Variants in MORC1 observed in about 807,000 individuals in gnomAD.
MORC1 encodes MORC family CW-type zinc finger 1, also known as MORC family CW-type zinc finger protein 1.
Under a neutral mutation model 134.9 loss-of-function variants are expected in MORC1, and 59 were observed. The observed-to-expected ratio is 0.44, with a 90% confidence interval of 0.35 to 0.54. The LOEUF (loss-of-function observed/expected upper bound fraction) is 0.54, where lower values mean the gene tolerates loss of function less well. Among genes scored for constraint, MORC1 ranks in the 20% least tolerant of loss-of-function variants. The pLI is 0.00. For synonymous variants in MORC1, 395 were observed against 391.7 expected (o/e 1.01, Z -0.10); for missense variants, 947 against 1,134.5 (o/e 0.83, Z 2.37).
chr3:109,067,144 C>T (rs1224474536), intron 9 of MORC1, among the ~76,000 whole-genome samples: 1 of 152,142 alleles, frequency 6.6e-6, no homozygotes, highest in Non-Finnish European at 1.5e-5. Flanking sequence ...AAGGACCATG[C>T]GGTTCCTATG....
At chr3:109,062,339 T>G (rs1486043516) in intron 10 of MORC1, among the ~76,000 whole-genome samples, 1 of 152,104 alleles carries the variant, frequency 6.6e-6, no homozygotes, top group Non-Finnish European at 1.5e-5. Flanking sequence ...AAAATATGGA[T>G]ATAGAGCTAC....
intron 21 of MORC1, among the ~76,000 whole-genome samples, chr3:108,996,193 C>T (rs915777299): frequency 3.9e-5 from 6 of 151,966 alleles, no homozygotes; most frequent in Non-Finnish European, 2.9e-5. Flanking sequence ...AAGAACAGTA[C>T]CTGAATTTCA....
chr3:108,975,089 T>C (rs935767428), intron 24 of MORC1, among the ~76,000 whole-genome samples: 1 of 152,234 alleles, frequency 6.6e-6, no homozygotes, highest in Non-Finnish European at 1.5e-5. Flanking sequence ...GATACAACTC[T>C]ACTCTTTCTA....
chr3:108,963,912 C>T (rs1034369846), intron 26 of MORC1, among the ~76,000 whole-genome samples: 1 of 152,242 alleles, frequency 6.6e-6, no homozygotes, highest in East Asian at 1.9e-4. Flanking sequence ...AAGGTTGAAT[C>T]TGTTCTCCCA....
intron 8 of MORC1, among the ~76,000 whole-genome samples, chr3:109,084,751 C>G (rs145114130): frequency 9.9e-5 from 15 of 151,904 alleles, no homozygotes; most frequent in Non-Finnish European, 2.1e-4. Flanking sequence ...AAATACACTA[C>G]GAAATTATAG....
chr3:109,069,202 AAC>A (rs764466016), intron 9 of MORC1, among the ~76,000 whole-genome samples: 25 of 152,326 alleles, frequency 1.6e-4, no homozygotes, highest in Admixed American at 1.4e-3. Context: ...AAAGTAAAAA[AAC>A]ACACAAAATA....
At chr3:109,025,769 A>T (rs1559901689) in intron 17 of MORC1, among the ~76,000 whole-genome samples, 1 of 152,140 alleles carries the variant, frequency 6.6e-6, no homozygotes, top group Admixed American at 6.5e-5. Context: ...ATAAGAAAAC[A>T]CATGTGAATT....
In MORC1 at chr3:108,995,951, G is replaced by A. The variant is rs1948191181; in HGVS notation, c.2187+4606C>T. On this transcript the variant is annotated intron_variant, in intron 21 of 27. Coordinates refer to ENST00000232603, the MANE Select transcript of MORC1 (RefSeq NM_014429.4). Reference sequence around the variant, plus strand: ...TATTTATGTACTTCAACTGACCCAAGTGGAATGGGGTGATTGAATTCATGT... The same window carrying A: ...TATTTATGTACTTCAACTGACCCAAATGGAATGGGGTGATTGAATTCATGT... Among the ~76,000 whole-genome samples, 4 of 152,162 alleles carry A rather than the reference G, an allele frequency of 2.6e-5. No individual in the cohort carries two copies. In the South Asian group the frequency reaches 8.3e-4, roughly 32 times the overall value.
At chr3:109,098,095 G>C (rs1378370505) in intron 6 of MORC1, among the ~76,000 whole-genome samples, 1 of 151,638 alleles carries the variant, frequency 6.6e-6, no homozygotes, top group African/African-American at 2.4e-5. Context: ...TTATTTTTTT[G>C]AGACAGGGTC....
intron 17 of MORC1, among the ~76,000 whole-genome samples, chr3:109,016,364 T>C (rs890516280): frequency 6.6e-6 from 1 of 152,152 alleles, no homozygotes; most frequent in Admixed American, 6.5e-5. Flanking sequence ...ACCCTCCATA[T>C]AAAGCCTGCC....
At chr3:109,030,186 C>T (rs931008058) in intron 16 of MORC1, among the ~76,000 whole-genome samples, 7 of 152,120 alleles carry the variant, frequency 4.6e-5, no homozygotes, top group Non-Finnish European at 7.4e-5. Flanking sequence ...CCCATTACTC[C>T]GTCCTGCTAC....
At chr3:109,097,988 ATGCC>A (rs1341500490) in intron 6 of MORC1, among the ~76,000 whole-genome samples, 2 of 151,914 alleles carry the variant, frequency 1.3e-5, no homozygotes, top group African/African-American at 4.9e-5. Context: ...TTAATAGATA[ATGCC>A]TAGATAAAAT....
chr3:108,970,457 T>C (rs1947346690), intron 25 of MORC1, among the ~76,000 whole-genome samples: 1 of 152,112 alleles, frequency 6.6e-6, no homozygotes, highest in African/African-American at 2.4e-5. Context: ...ACAGTCATAG[T>C]TCAGCTGTGG....
intron 27 of MORC1, among the ~76,000 whole-genome samples, chr3:108,960,027 G>C (rs1466713933): frequency 6.6e-6 from 1 of 152,094 alleles, no homozygotes; most frequent in African/African-American, 2.4e-5. Flanking sequence ...GGGGGCTATA[G>C]GACTATGGCA....
Position 108,984,709 on chromosome 3 carries a change from C to T in MORC1, c.2324+7G>A. 2 of 1,591,344 alleles carry T rather than the reference C, an allele frequency of 1.3e-6. No homozygotes were observed. The highest frequency in any genetic ancestry group is 8.6e-7 in the Non-Finnish European group (1 of 1,165,394). ...ACTTGGAATTTGTATAACTGTAGTA[C>T]ACTCACCTTTTCCAGCTAGGTAATG... On this transcript the variant is annotated splice_region_variant and intron_variant, in intron 23 of 27. Coordinates refer to ENST00000232603, the MANE Select transcript of MORC1 (RefSeq NM_014429.4).
intron 16 of MORC1, among the ~76,000 whole-genome samples, chr3:109,028,939 G>A (rs1949164000): frequency 6.6e-6 from 1 of 152,052 alleles, no homozygotes; most frequent in Non-Finnish European, 1.5e-5. Flanking sequence ...GAGTTCCACT[G>A]AGCTACCAAA....
At chr3:108,979,348 A>G (rs550986861) in intron 24 of MORC1, among the ~76,000 whole-genome samples, 167 bp downstream of exon 24, 2 of 152,346 alleles carry the variant, frequency 1.3e-5, no homozygotes, top group African/African-American at 4.8e-5. Context: ...TACAAGGGAT[A>G]TTTAACCCAT....
chr3:109,037,662 A>G (rs994011259), intron 14 of MORC1, among the ~76,000 whole-genome samples: 2 of 152,108 alleles, frequency 1.3e-5, no homozygotes, highest in African/African-American at 4.8e-5. Flanking sequence ...CTCATTGTTC[A>G]ATTCCCACCT....
chr3:108,959,304 G>A (rs954842052), intron 27 of MORC1, among the ~76,000 whole-genome samples, 184 bp from the exon 28 acceptor site: 4 of 152,082 alleles, frequency 2.6e-5, no homozygotes, highest in Non-Finnish European at 5.9e-5. Context: ...GCTAACAAGC[G>A]GTTAGAAACT....
Sources: gnomAD v4.1 joint callset for allele counts (sites outside exome capture counted in the v4.1 genomes callset) on GRCh38, gnomAD v4.1.1 for gene constraint, MANE v1.5 for transcripts, NCBI Gene and HGNC (gene_info 2026-07-23, HGNC 2026-07-21) for gene names.